The following ERC2 variants were observed in gnomAD, a reference collection of about 807,000 sequenced individuals.
The protein encoded by ERC2 is ERC protein 2.
ERC2 carries 42 observed loss-of-function variants against 114.8 expected under a neutral mutation model. That is an observed-to-expected ratio of 0.37 (90% CI 0.29 to 0.47). The LOEUF (loss-of-function observed/expected upper bound fraction) is 0.47, where lower values mean the gene tolerates loss of function less well. Ranked by LOEUF, ERC2 falls within the 20% of genes least tolerant of loss-of-function variation. The probability of loss-of-function intolerance (pLI) is 0.99; values close to 1 mark genes in which losing one functional copy is unlikely to be tolerated. For synonymous variants in ERC2, 454 were observed against 425.5 expected (o/e 1.07, Z -0.82); for missense variants, 939 against 1,150.7 (o/e 0.82, Z 2.66).
chr3:56,109,129 T>C lies in ERC2; in HGVS notation c.1474-28145A>G, dbSNP rs193207762. ...TATTTCATCGCCCAGGTACTAAGCC[T>C]AGTACCTAATAGTTATTTTTTCTGC... On this transcript the variant is annotated intron_variant, in intron 6 of 17. Transcript: ENST00000288221. 1.2e-3 allele frequency among the ~76,000 whole-genome samples: 176 copies of C among 152,188 alleles called. 1 individual carries two copies. The highest frequency in any genetic ancestry group is 6.0e-3 in the South Asian group (29 of 4,808).
intron 3 of ERC2, among the ~76,000 whole-genome samples, chr3:56,284,350 TG>T (rs2054542360): frequency 6.6e-6 from 1 of 152,376 alleles, no homozygotes; most frequent in East Asian, 1.9e-4. Flanking sequence ...TGCCTTGACT[TG>T]AGCTGTAGTG....
chr3:56,274,235 T>C (rs549434406), intron 3 of ERC2, among the ~76,000 whole-genome samples: 48 of 152,304 alleles, frequency 3.2e-4, no homozygotes, highest in Admixed American at 1.8e-3. Context: ...CTAGGCTGCA[T>C]GCTACTTATG....
intron 14 of ERC2, among the ~76,000 whole-genome samples, chr3:55,860,923 G>A (rs6766607): frequency 0.091 from 13,921 of 152,176 alleles, 716 homozygotes; most frequent in South Asian, 0.17. Context: ...CTGGATAAAC[G>A]GGGGTAAAAG....
chr3:56,216,042 G>A (rs2049445840), intron 3 of ERC2, among the ~76,000 whole-genome samples: 1 of 152,008 alleles, frequency 6.6e-6, no homozygotes, highest in South Asian at 2.1e-4. Flanking sequence ...GAAAAAGCAG[G>A]AAAGATCTAA....
At chr3:56,456,478 C>G (rs1028542133) in intron 1 of ERC2, among the ~76,000 whole-genome samples, 1 of 152,102 alleles carries the variant, frequency 6.6e-6, no homozygotes, top group Non-Finnish European at 1.5e-5. Flanking sequence ...GCTCTGTTCC[C>G]CAAAACAAAT....
intron 13 of ERC2, among the ~76,000 whole-genome samples, chr3:55,898,418 T>C (rs1388799446): frequency 6.6e-6 from 1 of 152,214 alleles, no homozygotes; most frequent in Non-Finnish European, 1.5e-5. Context: ...GTAAAGGATG[T>C]GGACTCTGAA....
At chr3:56,066,437 G>A (rs1014662596) in intron 7 of ERC2, among the ~76,000 whole-genome samples, 14 of 152,112 alleles carry the variant, frequency 9.2e-5, no homozygotes, top group Non-Finnish European at 1.5e-4. Flanking sequence ...TAAGTTCCTT[G>A]TAGATTCTGG....
chr3:55,557,548 T>C (rs555015894), intron 17 of ERC2, among the ~76,000 whole-genome samples: 247 of 152,366 alleles, frequency 1.6e-3, no homozygotes, highest in African/African-American at 5.7e-3. Flanking sequence ...ATCCTTTATA[T>C]ATTAAGTAGT....
intron 14 of ERC2, among the ~76,000 whole-genome samples, chr3:55,745,971 ATT>A: frequency 6.6e-6 from 1 of 152,282 alleles, no homozygotes; most frequent in South Asian, 2.1e-4. Flanking sequence ...GCTAATATTT[ATT>A]TCTCAGTCTT....
chr3:56,085,656 T>G (rs2077463974), intron 6 of ERC2, among the ~76,000 whole-genome samples: 1 of 152,192 alleles, frequency 6.6e-6, no homozygotes, highest in Non-Finnish European at 1.5e-5. Flanking sequence ...AAAACCACTC[T>G]TCTCTGTAGG....
At chr3:55,744,468 G>A (rs2066183865) in intron 14 of ERC2, among the ~76,000 whole-genome samples, 1 of 152,102 alleles carries the variant, frequency 6.6e-6, no homozygotes. Context: ...AAAAAGAAGT[G>A]CAACTTTGTA....
intron 2 of ERC2, among the ~76,000 whole-genome samples, chr3:56,419,657 C>T (rs151206808): frequency 3.3e-5 from 5 of 152,306 alleles, no homozygotes; most frequent in African/African-American, 1.2e-4. Flanking sequence ...TCATTCATTT[C>T]ACTAATCACT....
chr3:56,457,524 T>C lies in ERC2; in HGVS notation c.-141+10724A>G, dbSNP rs2107549673. 1.3e-5 allele frequency among the ~76,000 whole-genome samples: 2 copies of C among 152,126 alleles called. 1 individual carries two copies. The highest frequency in any genetic ancestry group is 4.2e-4 in the South Asian group (2 of 4,810). Reference sequence around the variant, plus strand: ...GGTAATTATTGCCATGACGGTGAAATAAAAGGAGAATAAAGAGAATTCAGA... The same window carrying C: ...GGTAATTATTGCCATGACGGTGAAACAAAAGGAGAATAAAGAGAATTCAGA... On this transcript the variant is annotated intron_variant, in intron 1 of 17. Transcript: ENST00000288221.
intron 1 of ERC2, among the ~76,000 whole-genome samples, chr3:56,448,967 C>T (rs1471488613): frequency 1.3e-5 from 2 of 148,938 alleles, no homozygotes; most frequent in Admixed American, 6.8e-5. Flanking sequence ...CCCAGCTACT[C>T]GGGAGGCTGA....
chr3:55,835,819 G>T (rs978036390), intron 14 of ERC2, among the ~76,000 whole-genome samples: 1 of 151,952 alleles, frequency 6.6e-6, no homozygotes, highest in African/African-American at 2.4e-5. Flanking sequence ...GATTGTCCCT[G>T]TTTGCAGATG....
intron 8 of ERC2, among the ~76,000 whole-genome samples, chr3:56,014,105 T>C (rs2073143281): frequency 7.8e-6 from 1 of 127,630 alleles, no homozygotes; most frequent in Non-Finnish European, 1.6e-5. Context: ...CTATGAAAAG[T>C]TAAAAAAAAA....
intron 15 of ERC2, among the ~76,000 whole-genome samples, chr3:55,734,455 T>C (rs561068244): frequency 6.6e-6 from 1 of 152,256 alleles, no homozygotes; most frequent in East Asian, 1.9e-4. Flanking sequence ...TATAAGTTTC[T>C]AGAATTTAAT....
intron 17 of ERC2, among the ~76,000 whole-genome samples, chr3:55,671,110 G>A (rs1331363657): frequency 2.6e-5 from 4 of 152,100 alleles, no homozygotes; most frequent in Non-Finnish European, 4.4e-5. Context: ...TATCTGTATG[G>A]ACAGATATTT....
intron 6 of ERC2, among the ~76,000 whole-genome samples, chr3:56,101,003 T>C (rs2078323320): frequency 6.6e-6 from 1 of 152,196 alleles, no homozygotes; most frequent in Non-Finnish European, 1.5e-5. Flanking sequence ...TCATCCTCTG[T>C]TTTTCTCTTC....
Sources: allele counts gnomAD v4.1 joint callset (sites outside exome capture counted in the v4.1 genomes callset), GRCh38; gene constraint gnomAD v4.1.1; transcripts MANE v1.5; gene names NCBI Gene and HGNC (gene_info 2026-07-23, HGNC 2026-07-21).